EPHA6: variants seen among roughly 807,000 people sequenced by gnomAD.
The protein encoded by EPHA6 is ephrin type-A receptor 6.
A neutral mutation model predicts 112.0 loss-of-function variants in EPHA6; 50 were observed. The observed-to-expected ratio is 0.45, with a 90% CI of 0.36 to 0.56. EPHA6 has a LOEUF of 0.56. Ranked by LOEUF, EPHA6 falls within the 20% of genes least tolerant of loss-of-function variation. The pLI is 0.00. For missense variants in EPHA6, 1,280 were observed against 1,417.4 expected, an observed-to-expected ratio of 0.90 and a Z score of 1.56; for synonymous variants, 529 against 490.7, an observed-to-expected ratio of 1.08 and a Z score of -1.03.
chr3:97,531,217 A>G (rs1199016867), intron 10 of EPHA6, among the ~76,000 whole-genome samples: 1 of 152,040 alleles, frequency 6.6e-6, no homozygotes, highest in African/African-American at 2.4e-5. Flanking sequence ...ATATATTAAT[A>G]AATTGGGAAA....
intron 13 of EPHA6, among the ~76,000 whole-genome samples, chr3:97,614,505 T>TC (rs2093747948): frequency 8.7e-6 from 1 of 115,278 alleles, no homozygotes; most frequent in Non-Finnish European, 1.6e-5. Flanking sequence ...CAGCTAATTT[T>TC]TTTTTTTTTT....
At position 97,638,065 on chromosome 3, in the gene EPHA6, G is replaced by A; in HGVS notation, c.2767G>A (p.Ala923Thr). ...CAGAGTGCTGGAAGATGATCCAGAA[G>A]CTGCTTATACAACAACTGTAAGTTT... ...LSRVLEDDPE[A>T]AYTTTGGKIP... is the part of the protein sequence containing the mutation. The change falls in exon 14 of 18, where the codon GCT becomes ACT. Residue 923 changes from alanine to threonine, a missense_variant. Physicochemically the swap from Ala to Thr is moderately conservative, Grantham distance 58. Coordinates refer to ENST00000389672, the MANE Select transcript of EPHA6 (RefSeq NM_001080448.3). 2 of 1,613,222 alleles carry A rather than the reference G, an allele frequency of 1.2e-6. No individual in the cohort carries two copies. Among genetic ancestry groups the A allele is most frequent in the Non-Finnish European group, 1.7e-6 (2 of 1,179,494 alleles).
Position 96,962,855 on chromosome 3 carries a change from T to C in EPHA6, c.451-24475T>C, listed in dbSNP as rs115048230. Among the ~76,000 whole-genome samples the C allele has an allele frequency of 5.7e-3, 865 of 152,024 alleles. 8 individuals are homozygous for C. Among genetic ancestry groups the C allele is most frequent in the African/African-American group, 0.02 (841 of 41,480 alleles). The stretch of plus-strand genomic sequence containing the variant: ...ATTAGCTGAGTAAGAGAAAAACAAA[T>C]GAAAAGGAGGGAGCATTTCAGGCAC... On this transcript the variant is annotated intron_variant, in intron 2 of 17. Coordinates refer to ENST00000389672, the MANE Select transcript of EPHA6 (RefSeq NM_001080448.3).
intron 6 of EPHA6, chr3:97,447,612 A>G (rs976736136): frequency 1.0e-5 from 2 of 191,174 alleles, no homozygotes; most frequent in Non-Finnish European, 2.0e-5. Context: ...ATTTGTCCCC[A>G]CCACCAGCAT....
chr3:97,433,090 C>T (rs916128050), intron 6 of EPHA6, among the ~76,000 whole-genome samples: 4 of 152,144 alleles, frequency 2.6e-5, no homozygotes, highest in Admixed American at 1.3e-4. Flanking sequence ...TCCTCCTAAA[C>T]TCAGTATGGT....
In EPHA6 at chr3:97,331,235, A is replaced by T. The variant is rs997440904; in HGVS notation, c.1607-73915A>T. 2.0e-5 allele frequency among the ~76,000 whole-genome samples: 3 copies of T among 152,140 alleles called. No homozygotes were observed. The South Asian group carries it at 6.2e-4, about 32-fold the overall frequency. ...CACAACATACCAGAATCTGTAGGAG[A>T]CACATTCAAAGCAGTGTGTAGAGGG... On this transcript the variant is annotated intron_variant, in intron 5 of 17. Coordinates refer to ENST00000389672, the MANE Select transcript of EPHA6 (RefSeq NM_001080448.3).
chr3:97,601,222 T>C (rs2093640756), intron 12 of EPHA6, among the ~76,000 whole-genome samples: 3 of 152,158 alleles, frequency 2.0e-5, no homozygotes, highest in Admixed American at 6.6e-5. Flanking sequence ...CAAAATCATT[T>C]TCTTCTTACA....
chr3:97,156,191 T>C (rs991969220), intron 3 of EPHA6, among the ~76,000 whole-genome samples: 28 of 152,274 alleles, frequency 1.8e-4, no homozygotes, highest in African/African-American at 6.7e-4. Context: ...GGAGTGTTCA[T>C]GTTAAGACTG....
At chr3:96,921,257 TCATA>T (rs1406055513) in intron 2 of EPHA6, among the ~76,000 whole-genome samples, 1 of 152,066 alleles carries the variant, frequency 6.6e-6, no homozygotes, top group Non-Finnish European at 1.5e-5. Flanking sequence ...TTTTTTCAGA[TCATA>T]CATAAATAGA....
At chr3:96,898,380 G>A (rs2038398266) in intron 2 of EPHA6, among the ~76,000 whole-genome samples, 1 of 152,128 alleles carries the variant, frequency 6.6e-6, no homozygotes, top group African/African-American at 2.4e-5. Context: ...GAAGAAATAT[G>A]TCTTAGCGTA....
At chr3:97,098,243 C>T (rs776958250) in intron 3 of EPHA6, among the ~76,000 whole-genome samples, 2 of 152,036 alleles carry the variant, frequency 1.3e-5, no homozygotes, top group South Asian at 4.1e-4. Context: ...TGAGTGTATG[C>T]TCTAATCAGG....
At chr3:97,651,763 A>G (rs1364579158) in intron 14 of EPHA6, among the ~76,000 whole-genome samples, 2 of 152,134 alleles carry the variant, frequency 1.3e-5, no homozygotes, top group African/African-American at 2.4e-5. Context: ...CAGCAAGCAG[A>G]GAGTAAAATG....
At chr3:97,561,290 T>G (rs926273456) in intron 11 of EPHA6, among the ~76,000 whole-genome samples, 2 of 152,082 alleles carry the variant, frequency 1.3e-5, no homozygotes, top group African/African-American at 4.8e-5. Context: ...TGAGATTGAC[T>G]GTAAACTAAG....
At chr3:96,936,112 G>T (rs2040568275) in intron 2 of EPHA6, among the ~76,000 whole-genome samples, 1 of 152,068 alleles carries the variant, frequency 6.6e-6, no homozygotes, top group East Asian at 1.9e-4. Flanking sequence ...GGATGTACAT[G>T]CTGCAGCTCC....
intron 3 of EPHA6, among the ~76,000 whole-genome samples, chr3:97,206,900 T>G (rs2108507106): frequency 6.6e-6 from 1 of 152,278 alleles, no homozygotes; most frequent in Non-Finnish European, 1.5e-5. Flanking sequence ...CAATAACTGT[T>G]ATTTTTATAT....
At chr3:97,598,166 T>C (rs1031059893) in intron 12 of EPHA6, among the ~76,000 whole-genome samples, 1 of 151,998 alleles carries the variant, frequency 6.6e-6, no homozygotes, top group Non-Finnish European at 1.5e-5. Flanking sequence ...TTATTTATTT[T>C]TTTTGGAGAC....
intron 10 of EPHA6, among the ~76,000 whole-genome samples, chr3:97,505,995 G>C (rs10956894): frequency 6.6e-6 from 1 of 152,178 alleles, no homozygotes; most frequent in East Asian, 1.9e-4. Context: ...CTTTTGAGAA[G>C]TGTCTGTTCA....
At chr3:96,855,249 C>T (rs1255958766) in intron 1 of EPHA6, among the ~76,000 whole-genome samples, 1 of 152,116 alleles carries the variant, frequency 6.6e-6, no homozygotes, top group Non-Finnish European at 1.5e-5. Context: ...CGATTAGAAA[C>T]CTTAGTGGAT....
intron 6 of EPHA6, among the ~76,000 whole-genome samples, chr3:97,447,561 G>T (rs1184815966): frequency 6.6e-6 from 1 of 152,052 alleles, no homozygotes; most frequent in Non-Finnish European, 1.5e-5. Flanking sequence ...TCATTGTAAA[G>T]TTATTGAATA....
Sources: allele counts gnomAD v4.1 joint callset (sites outside exome capture counted in the v4.1 genomes callset), GRCh38; gene constraint gnomAD v4.1.1; transcripts MANE v1.5; gene names NCBI Gene and HGNC (gene_info 2026-07-23, HGNC 2026-07-21).